Variants in PCDHA4 observed in about 807,000 individuals in gnomAD.
The protein encoded by PCDHA4 is protocadherin alpha 4.
Under a neutral mutation model 61.4 loss-of-function variants are expected in PCDHA4, and 49 were observed. The ratio of observed to expected loss-of-function variants is 0.80; its 90% CI spans 0.63 to 1.01. The LOEUF (loss-of-function observed/expected upper bound fraction) is 1.01. Ranked by LOEUF, PCDHA4 falls within the 50% of genes least tolerant of loss-of-function variation. PCDHA4 has a pLI of 0.00. For missense variants in PCDHA4, 1,254 were observed against 1,235.8 expected (o/e 1.01, Z -0.22); for synonymous variants, 590 against 550.3 (o/e 1.07, Z -1.01).
At chr5:140,923,181 A>T (rs2081206798) in intron 1 of PCDHA4, among the ~76,000 whole-genome samples, 1 of 152,158 alleles carries the variant, frequency 6.6e-6, no homozygotes, top group Non-Finnish European at 1.5e-5. Flanking sequence ...GTTCAGATGC[A>T]TCTACTGCAG....
At chr5:140,864,302 C>T (rs550549818) in intron 1 of PCDHA4, 1 of 152,214 alleles carries the variant, frequency 6.6e-6, no homozygotes, top group Non-Finnish European at 1.5e-5. Context: ...TTCAAAAATA[C>T]CATGACAATA....
In PCDHA4 at chr5:140,883,374, T is replaced by G. The variant is rs1554177931; in HGVS notation, c.2385+73802T>G. The G allele has an allele frequency of 2.5e-6, 4 of 1,614,054 alleles. No individual in the cohort carries two copies. The African/African-American group carries it at 5.3e-5, about 22-fold the overall frequency. On this transcript the variant is annotated intron_variant, in intron 1 of 3. Transcript: ENST00000530339. ...GAAGACACTCAGCCTAGCGCCATTA[T>G]TGCCCTAATCAGTGTGTCCGATCGT...
intron 1 of PCDHA4, among the ~76,000 whole-genome samples, chr5:140,855,633 AT>A (rs1445956184): frequency 6.7e-6 from 1 of 149,874 alleles, no homozygotes; most frequent in Non-Finnish European, 1.5e-5. Flanking sequence ...AAATTCGGCT[AT>A]TGATAATCAT....
intron 1 of PCDHA4, chr5:140,882,064 C>G (rs1277765660): frequency 1.1e-5 from 9 of 831,034 alleles, no homozygotes; most frequent in Non-Finnish European, 1.6e-5. Context: ...CTTACACGTT[C>G]ATGCGCATGG....
intron 1 of PCDHA4, among the ~76,000 whole-genome samples, chr5:140,940,372 A>G (rs1173605569): frequency 1.3e-5 from 2 of 151,970 alleles, no homozygotes; most frequent in Admixed American, 6.6e-5. Flanking sequence ...GTATTCCTTG[A>G]GTTGTTAATT....
chr5:140,924,901 A>AATAAAAT lies in PCDHA4; in HGVS notation c.2386-54047_2386-54046insTAAAATA, dbSNP rs145282866. On this transcript the variant is annotated intron_variant, in intron 1 of 3. Transcript: ENST00000530339. The stretch of plus-strand genomic sequence containing the variant: ...CAGAGCAAGAACCTGTCTCAAAAAA[A>AATAAAAT]AAAATAAAATAAAATAAAATAAAAT... 2.3e-3 allele frequency among the ~76,000 whole-genome samples: 186 copies of AATAAAAT among 80,480 alleles called. 2 individuals carry two copies. The highest frequency in any genetic ancestry group is 0.012 in the Middle Eastern group (2 of 162). The allele number at this position is 80,480 out of a possible 152,430, so 52.8% of individuals were successfully genotyped here. A position where few individuals can be genotyped will look rare whatever the true frequency, so the allele number is the denominator to read the frequency against.
chr5:140,835,763 T>C (rs2150244307), intron 1 of PCDHA4: 12 of 1,613,224 alleles, frequency 7.4e-6, no homozygotes, highest in South Asian at 5.5e-5. Flanking sequence ...AGCCCGAGTA[T>C]ACGGTGTTCG....
intron 1 of PCDHA4, among the ~76,000 whole-genome samples, chr5:140,974,029 A>G (rs2096612369): frequency 6.6e-6 from 1 of 152,238 alleles, no homozygotes; most frequent in Admixed American, 6.5e-5. Flanking sequence ...ACAACTATAA[A>G]TTTAGCTTAT....
intron 1 of PCDHA4, chr5:140,856,276 A>C (rs1554148470): frequency 6.3e-7 from 1 of 1,598,372 alleles, no homozygotes; most frequent in Admixed American, 1.7e-5. Context: ...TTCTGGAGGT[A>C]AATCTGCAGA....
At chr5:140,928,536 GA>G (rs782686789) in intron 1 of PCDHA4, 1 of 1,614,228 alleles carries the variant, frequency 6.2e-7, no homozygotes, top group Non-Finnish European at 8.5e-7. Context: ...TGGTAGATAG[GA>G]ATGACAATTA....
At chr5:140,886,201 T>C (rs1224274096) in intron 1 of PCDHA4, among the ~76,000 whole-genome samples, 2 of 152,140 alleles carry the variant, frequency 1.3e-5, no homozygotes, top group African/African-American at 2.4e-5. Flanking sequence ...AGTAATCTGT[T>C]CTCCATTTCT....
intron 1 of PCDHA4, chr5:140,857,412 C>A: frequency 1.3e-6 from 2 of 1,598,338 alleles, no homozygotes; most frequent in Non-Finnish European, 1.7e-6. Context: ...CCTGCGTTCG[C>A]GCAGTCCGAG....
rs1028376160 is a variant in PCDHA4 at position 140,924,281 on chromosome 5, C to T, written c.2386-54668C>T. Among the ~76,000 whole-genome samples the T allele has an allele frequency of 2.6e-5, 4 of 152,170 alleles. No individual in the cohort carries two copies. The East Asian group carries it at 7.7e-4, about 29-fold the overall frequency. ...TAATGAGGTCTGTACTTGTGACTAC[C>T]TAATAGGCTGACATGTTTCCTCCTT... is the stretch of plus-strand genomic sequence containing the variant. On this transcript the variant is annotated intron_variant, in intron 1 of 3. Coordinates refer to ENST00000530339, the MANE Select transcript of PCDHA4 (RefSeq NM_018907.4).
At chr5:140,882,529 T>G (rs1277056302) in intron 1 of PCDHA4, 1 of 1,614,074 alleles carries the variant, frequency 6.2e-7, no homozygotes, top group Non-Finnish European at 8.5e-7. Context: ...TGTTTGTGAA[T>G]TCTCGGATCG....
chr5:140,897,716 G>A (rs1554187531), intron 1 of PCDHA4, among the ~76,000 whole-genome samples: 1 of 152,144 alleles, frequency 6.6e-6, no homozygotes, highest in African/African-American at 2.4e-5. Context: ...TAATGGGATG[G>A]CTGGGTCAAA....
intron 1 of PCDHA4, among the ~76,000 whole-genome samples, chr5:140,978,524 C>G (rs1554239389): frequency 2.0e-5 from 3 of 152,208 alleles, no homozygotes; most frequent in Admixed American, 6.5e-5. Context: ...TCCAGCCAGG[C>G]CAGCAGAACT....
At chr5:140,944,335 G>A (rs1196825895) in intron 1 of PCDHA4, among the ~76,000 whole-genome samples, 1 of 151,986 alleles carries the variant, frequency 6.6e-6, no homozygotes, top group African/African-American at 2.4e-5. Context: ...TTACAAGCAC[G>A]TGCCACCACA....
At chr5:140,968,529 C>T in intron 1 of PCDHA4, 1 of 1,614,206 alleles carries the variant, frequency 6.2e-7, no homozygotes, top group Non-Finnish European at 8.5e-7. Flanking sequence ...ACCAACTCGT[C>T]AGCAGCCTTC....
chr5:140,858,726 C>A (rs115774489), intron 1 of PCDHA4: 4 of 481,590 alleles, frequency 8.3e-6, no homozygotes, highest in African/African-American at 8.1e-5. Context: ...GCAGTTCTGA[C>A]GATTTACTTT....
Sources: allele counts gnomAD v4.1 joint callset (sites outside exome capture counted in the v4.1 genomes callset), GRCh38; gene constraint gnomAD v4.1.1; transcripts MANE v1.5; gene names NCBI Gene and HGNC (gene_info 2026-07-23, HGNC 2026-07-21).